PTPRD: variants seen among roughly 807,000 people sequenced by gnomAD.
PTPRD encodes the protein protein tyrosine phosphatase receptor type D.
Under a neutral mutation model 214.5 loss-of-function variants are expected in PTPRD, and 34 were observed. The ratio of observed to expected loss-of-function variants is 0.16; its 90% CI spans 0.12 to 0.21. The LOEUF is 0.21. PTPRD is among the 10% of genes least tolerant of loss of function. PTPRD has a pLI of 1.00. For missense variants in PTPRD, 2,545 were observed against 2,398.7 expected (o/e 1.06, Z -1.27); for synonymous variants, 1,128 against 845.7 (o/e 1.33, Z -5.79).
intron 5 of PTPRD, among the ~76,000 whole-genome samples, chr9:9,840,035 A>ATTAT (rs1468629773): frequency 6.6e-6 from 1 of 151,860 alleles, no homozygotes; most frequent in Non-Finnish European, 1.5e-5. Context: ...GGTTTTTATT[A>ATTAT]TTATTATTTA....
chr9:9,971,765 A>T (rs938620856), intron 4 of PTPRD, among the ~76,000 whole-genome samples: 1 of 152,178 alleles, frequency 6.6e-6, no homozygotes, highest in Non-Finnish European at 1.5e-5. Context: ...TAACAATATA[A>T]TAATTTCAAA....
chr9:9,445,977 A>T (rs1192319157), intron 8 of PTPRD, among the ~76,000 whole-genome samples: 1 of 152,230 alleles, frequency 6.6e-6, no homozygotes, highest in Non-Finnish European at 1.5e-5. Context: ...AATTTAGGCA[A>T]GCTTTTCCAT....
intron 5 of PTPRD, among the ~76,000 whole-genome samples, chr9:9,867,104 T>C (rs2064165938): frequency 6.6e-6 from 1 of 152,188 alleles, no homozygotes; most frequent in South Asian, 2.1e-4. Flanking sequence ...GGTTCACCTA[T>C]GCTACTGTTC....
rs532400497 is a variant in PTPRD at position 8,852,100 on chromosome 9, A to G, written c.-103-118154T>C. On this transcript the variant is annotated intron_variant, in intron 11 of 45. Coordinates refer to ENST00000381196, the MANE Select transcript of PTPRD (RefSeq NM_002839.4). ...GTCTCTTGTTACTTGTGATCCAATC[A>G]TTACAGAGGATCACTTTATGTATTT... Among the ~76,000 whole-genome samples the G allele has an allele frequency of 2.0e-5, 3 of 152,256 alleles. No homozygotes were observed. The South Asian group carries it at 6.2e-4, about 32-fold the overall frequency.
intron 5 of PTPRD, among the ~76,000 whole-genome samples, chr9:9,865,793 C>A (rs1461238954): frequency 2.0e-5 from 3 of 152,154 alleles, no homozygotes; most frequent in Non-Finnish European, 4.4e-5. Flanking sequence ...CATGTGATAA[C>A]AAAAGTAACA....
intron 3 of PTPRD, among the ~76,000 whole-genome samples, chr9:10,186,324 T>C (rs888149555): frequency 4.6e-5 from 7 of 152,154 alleles, no homozygotes; most frequent in African/African-American, 1.7e-4. Context: ...TGCTTTTAAT[T>C]TATTGTTGTA....
chr9:10,436,033 C>T (rs769920735), intron 2 of PTPRD, among the ~76,000 whole-genome samples: 1 of 151,704 alleles, frequency 6.6e-6, no homozygotes, highest in Non-Finnish European at 1.5e-5. Flanking sequence ...ATGATTAAAG[C>T]GGTATAACAC....
chr9:9,660,347 G>C (rs561442955), intron 7 of PTPRD, among the ~76,000 whole-genome samples: 1 of 152,006 alleles, frequency 6.6e-6, no homozygotes, highest in African/African-American at 2.4e-5. Flanking sequence ...GGGCAAGCAA[G>C]AGGACAGGTT....
chr9:9,123,922 A>C (rs1333416862), intron 10 of PTPRD, among the ~76,000 whole-genome samples: 2 of 152,094 alleles, frequency 1.3e-5, no homozygotes, highest in Non-Finnish European at 2.9e-5. Flanking sequence ...AGACAAAGAG[A>C]ATATCTAAGC....
At chr9:9,136,872 C>T (rs368667345) in intron 10 of PTPRD, among the ~76,000 whole-genome samples, 35 of 152,042 alleles carry the variant, frequency 2.3e-4, no homozygotes, top group African/African-American at 7.7e-4. Flanking sequence ...TGTGTATTTC[C>T]AATGGGTGAA....
At chr9:10,579,152 T>C (rs186337258) in intron 2 of PTPRD, among the ~76,000 whole-genome samples, 1 of 152,216 alleles carries the variant, frequency 6.6e-6, no homozygotes, top group Non-Finnish European at 1.5e-5. Flanking sequence ...AAAAAAAGAA[T>C]GAGATCATGT....
At position 8,485,930 on chromosome 9, in the gene PTPRD, T is replaced by C; in HGVS notation, c.2887A>G (p.Ile963Val). 6.2e-7 allele frequency: 1 copy of C among 1,614,186 alleles called. No individual in the cohort carries two copies. Among genetic ancestry groups the C allele is most frequent in the Middle Eastern group, 1.6e-4 (1 of 6,062 alleles). ...KYTLLYRDIN[I>V]PLLPMEQLIV... ...AGCTGCTCCATCGGGAGAAGGGGGATGTTGATATCCCTATAAAGAAGGGTA... is the reference window on the plus strand; with the variant it reads ...AGCTGCTCCATCGGGAGAAGGGGGACGTTGATATCCCTATAAAGAAGGGTA... The change falls in exon 28 of 46, where the codon ATC becomes GTC. Residue 963 changes from isoleucine to valine, a missense_variant. Coordinates refer to ENST00000381196, the MANE Select transcript of PTPRD (RefSeq NM_002839.4).
intron 20 of PTPRD, among the ~76,000 whole-genome samples, chr9:8,519,511 G>A (rs892222022): frequency 1.2e-4 from 19 of 152,128 alleles, no homozygotes; most frequent in Non-Finnish European, 2.1e-4. Context: ...GCCCATTAGT[G>A]TCCCTGTTTC....
chr9:9,399,301 A>G (rs10977729), intron 8 of PTPRD, among the ~76,000 whole-genome samples: 35,675 of 151,926 alleles, frequency 0.23, 4,365 homozygotes, highest in Middle Eastern at 0.3. Context: ...GTACCTAAGC[A>G]TAGAATGTGA....
chr9:8,658,149 T>C (rs1293107115), intron 12 of PTPRD, among the ~76,000 whole-genome samples: 1 of 152,188 alleles, frequency 6.6e-6, no homozygotes. Context: ...CCCTAACATG[T>C]TGCCTAATTA....
intron 3 of PTPRD, among the ~76,000 whole-genome samples, chr9:10,134,972 C>T (rs1001195861): frequency 1.3e-5 from 2 of 152,010 alleles, no homozygotes; most frequent in African/African-American, 2.4e-5. Flanking sequence ...CCCAATCAAA[C>T]GAATCCAGGA....
chr9:9,832,003 A>C (rs1232299248), intron 5 of PTPRD, among the ~76,000 whole-genome samples: 1 of 152,008 alleles, frequency 6.6e-6, no homozygotes, highest in Non-Finnish European at 1.5e-5. Context: ...AAGGAATCCA[A>C]AATGTTGAGT....
At chr9:10,012,198 A>G (rs2096614795) in intron 4 of PTPRD, among the ~76,000 whole-genome samples, 2 of 151,972 alleles carry the variant, frequency 1.3e-5, no homozygotes, top group African/African-American at 4.8e-5. Flanking sequence ...AAGAATTGTA[A>G]AAAAGTACCT....
chr9:10,206,860 A>G (rs1465339979), intron 3 of PTPRD, among the ~76,000 whole-genome samples: 1 of 152,166 alleles, frequency 6.6e-6, no homozygotes, highest in Non-Finnish European at 1.5e-5. Context: ...GACTGAGTGT[A>G]ACTCAGACTA....
Sources: allele counts gnomAD v4.1 joint callset (sites outside exome capture counted in the v4.1 genomes callset), GRCh38; gene constraint gnomAD v4.1.1; transcripts MANE v1.5; gene names NCBI Gene and HGNC (gene_info 2026-07-23, HGNC 2026-07-21).